KHDRBS2: variants seen among roughly 807,000 people sequenced by gnomAD.
The protein encoded by KHDRBS2 is KH RNA binding domain containing, signal transduction associated 2, also known as KH domain-containing, RNA-binding, signal transduction-associated protein 2.
Under a neutral mutation model 44.3 loss-of-function variants are expected in KHDRBS2, and 26 were observed. That is an observed-to-expected ratio of 0.59 (90% confidence interval 0.43 to 0.81). KHDRBS2 has a LOEUF of 0.81. Among genes scored for constraint, KHDRBS2 ranks in the 40% least tolerant of loss-of-function variants. The pLI, the probability that KHDRBS2 is intolerant of heterozygous loss-of-function variation, is 0.00. For synonymous variants in KHDRBS2, 194 were observed against 151.1 expected, an observed-to-expected ratio of 1.28 and a Z score of -2.08; for missense variants, 476 against 433.1, an observed-to-expected ratio of 1.10 and a Z score of -0.88.
chr6:61,618,434 C>G, the KHDRBS2 span, among the ~76,000 whole-genome samples: 2 of 152,262 alleles, frequency 1.3e-5, no homozygotes, highest in African/African-American at 4.8e-5. Context: ...TAGACAATTA[C>G]TAGCCTTTAC....
At chr6:61,719,783 T>C (rs140780867) in intron 7 of KHDRBS2, among the ~76,000 whole-genome samples, 5,634 of 152,028 alleles carry the variant, frequency 0.037, 288 homozygotes, top group East Asian at 0.22. Context: ...ATTTATTTAT[T>C]TATTATTATT....
At chr6:61,981,072 A>G (rs1443476932) in intron 3 of KHDRBS2, among the ~76,000 whole-genome samples, 1 of 152,212 alleles carries the variant, frequency 6.6e-6, no homozygotes, top group East Asian at 1.9e-4. Flanking sequence ...CCTGTGAGGC[A>G]TAAGACCTAA....
At chr6:61,700,493 A>G (rs1160762147) in intron 7 of KHDRBS2, among the ~76,000 whole-genome samples, 1 of 151,066 alleles carries the variant, frequency 6.6e-6, no homozygotes, top group Non-Finnish European at 1.5e-5. Flanking sequence ...GGACTCTGCC[A>G]CAGTCTATAC....
chr6:61,734,725 A>C (rs1661665441), intron 6 of KHDRBS2, among the ~76,000 whole-genome samples: 1 of 152,050 alleles, frequency 6.6e-6, no homozygotes, highest in Non-Finnish European at 1.5e-5. Context: ...AACGTTAATA[A>C]TTGTTCATTC....
At chr6:61,733,094 T>C (rs1317300) in intron 6 of KHDRBS2, among the ~76,000 whole-genome samples, 121,807 of 152,052 alleles carry the variant, frequency 0.8, 49,337 homozygotes, top group African/African-American at 0.91. Flanking sequence ...CTGTGCTAAC[T>C]TTATGGTGGT....
intron 6 of KHDRBS2, among the ~76,000 whole-genome samples, chr6:61,795,144 C>CAAAAAAAAAAAA (rs1166333660): frequency 5.0e-5 from 3 of 59,670 alleles, no homozygotes; most frequent in African/African-American, 1.9e-4. Context: ...GACTCCGTCT[C>CAAAAAAAAAAAA]AAAAAAAAAA....
intron 6 of KHDRBS2, among the ~76,000 whole-genome samples, chr6:61,772,116 G>T (rs1276084867): frequency 6.6e-6 from 1 of 152,152 alleles, no homozygotes; most frequent in Non-Finnish European, 1.5e-5. Context: ...GATGTTCTTT[G>T]AAACTGACGA....
At chr6:61,886,020 C>T (rs564050639) in intron 6 of KHDRBS2, among the ~76,000 whole-genome samples, 5 of 152,152 alleles carry the variant, frequency 3.3e-5, no homozygotes, top group Non-Finnish European at 7.4e-5. Flanking sequence ...CTGAATACCT[C>T]CAATACCATC....
At chr6:62,122,925 A>G (rs1808039826) in intron 2 of KHDRBS2, among the ~76,000 whole-genome samples, 1 of 125,350 alleles carries the variant, frequency 8.0e-6, no homozygotes, top group South Asian at 2.5e-4. Context: ...TTATACTTTA[A>G]GTTCTAGGGT....
chr6:61,659,228 C>A, the KHDRBS2 span: 2 of 151,776 alleles, frequency 1.3e-5, no homozygotes, highest in Non-Finnish European at 2.9e-5. Flanking sequence ...GCACTCAATG[C>A]ACAATAGTTA....
intron 8 of KHDRBS2, among the ~76,000 whole-genome samples, chr6:61,695,889 T>A (rs1042118375): frequency 2.6e-5 from 4 of 152,140 alleles, no homozygotes; most frequent in African/African-American, 9.7e-5. Context: ...CAGCATCATA[T>A]GAAGCCCCAA....
chr6:61,598,699 AT>A, the KHDRBS2 span, among the ~76,000 whole-genome samples: 1 of 152,110 alleles, frequency 6.6e-6, no homozygotes, highest in South Asian at 2.1e-4. Flanking sequence ...TTAAGAATTT[AT>A]TGTAGAAGTT....
At chr6:62,029,603 A>C (rs1049965507) in intron 3 of KHDRBS2, among the ~76,000 whole-genome samples, 6 of 152,002 alleles carry the variant, frequency 3.9e-5, no homozygotes, top group African/African-American at 1.4e-4. Flanking sequence ...AAGCATATTT[A>C]TTCTCCATTA....
At chr6:62,224,254 A>G (rs1831381526) in intron 1 of KHDRBS2, among the ~76,000 whole-genome samples, 1 of 152,156 alleles carries the variant, frequency 6.6e-6, no homozygotes, top group South Asian at 2.1e-4. Context: ...TGATAAAGCC[A>G]TCAGATCTTG....
chr6:61,618,430 A>G, the KHDRBS2 span, among the ~76,000 whole-genome samples: 1 of 152,182 alleles, frequency 6.6e-6, no homozygotes, highest in Non-Finnish European at 1.5e-5. Context: ...CTGTTAGACA[A>G]TTACTAGCCT....
In KHDRBS2 at chr6:62,286,085, C is replaced by A; in HGVS notation, c.-137G>T. On this transcript the variant is annotated 5_prime_UTR_variant, in exon 1 of 9. Coordinates refer to ENST00000281156, the MANE Select transcript of KHDRBS2 (RefSeq NM_152688.4). ...AGGGATCTCTGTGCGTCCTCACTGG[C>A]CCATGCACCCAGCACCTGCGACTCC... 1 of 631,176 alleles carries A rather than the reference C, an allele frequency of 1.6e-6. No individual in the cohort carries two copies. Among genetic ancestry groups the A allele is most frequent in the Non-Finnish European group, 2.8e-6 (1 of 355,608 alleles). The allele number at this position is 631,176 out of a possible 1,614,324, so 39.1% of individuals were successfully genotyped here. A position where few individuals can be genotyped will look rare whatever the true frequency, so the allele number is the denominator to read the frequency against.
chr6:62,285,804 G>T, intron 1 of KHDRBS2, 54 bp downstream of exon 1: 2 of 1,292,816 alleles, frequency 1.5e-6, no homozygotes, highest in Non-Finnish European at 2.2e-6. Flanking sequence ...TAATCAAGCC[G>T]CGGGTGAGAT....
At chr6:61,647,961 C>A in the KHDRBS2 span, among the ~76,000 whole-genome samples, 4 of 151,978 alleles carry the variant, frequency 2.6e-5, no homozygotes, top group East Asian at 5.8e-4. Context: ...GAAGCAATAA[C>A]CTAAGTCATA....
intron 4 of KHDRBS2, among the ~76,000 whole-genome samples, chr6:61,911,217 A>G (rs1805993752): frequency 6.6e-6 from 1 of 152,174 alleles, no homozygotes; most frequent in African/African-American, 2.4e-5. Flanking sequence ...TATATATTCA[A>G]GACAGGGATG....
Sources: allele counts gnomAD v4.1 joint callset (sites outside exome capture counted in the v4.1 genomes callset), GRCh38; gene constraint gnomAD v4.1.1; transcripts MANE v1.5; gene names NCBI Gene and HGNC (gene_info 2026-07-23, HGNC 2026-07-21).